PANX3: variants seen among roughly 807,000 people sequenced by gnomAD.
PANX3 encodes the protein pannexin-3.
PANX3 carries 18 observed loss-of-function variants against 31.5 expected under a neutral mutation model. The ratio of observed to expected loss-of-function variants is 0.57; its 90% CI spans 0.39 to 0.85. The LOEUF is 0.85. PANX3 is among the 40% of genes least tolerant of loss of function. The probability of loss-of-function intolerance (pLI) is 0.00; values close to 1 mark genes in which losing one functional copy is unlikely to be tolerated. For missense variants in PANX3, 426 were observed against 485.4 expected (o/e 0.88, Z 1.15); for synonymous variants, 194 against 201.6 (o/e 0.96, Z 0.32).
intron 1 of PANX3, 120 bp downstream of exon 1, chr11:124,611,857 G>A (rs146039735): frequency 8.8e-7 from 1 of 1,134,848 alleles, no homozygotes; most frequent in African/African-American, 1.6e-5. Flanking sequence ...GGCTGGGCTG[G>A]ATTATCCAAA....
intron 2 of PANX3, among the ~76,000 whole-genome samples, chr11:124,614,178 A>G (rs1186906474): frequency 6.6e-6 from 1 of 151,526 alleles, no homozygotes; most frequent in East Asian, 1.9e-4. Context: ...AAAAAAAAAA[A>G]AAAAAAAAAA....
chr11:124,620,138 G>A lies in PANX3; in HGVS notation c.*203G>A. On this transcript the variant is annotated 3_prime_UTR_variant, in exon 4 of 4. Coordinates refer to ENST00000284288, the MANE Select transcript of PANX3 (RefSeq NM_052959.3). Reference sequence around the variant, plus strand: ...CATGGAAATAAATGTGAAAGCTGGAGCCGAAGAGTCAAAGAGCTAAAAAAT... The same window carrying A: ...CATGGAAATAAATGTGAAAGCTGGAACCGAAGAGTCAAAGAGCTAAAAAAT... The A allele has an allele frequency of 3.2e-6, 2 of 622,880 alleles. No homozygotes were observed. The highest frequency in any genetic ancestry group is 5.2e-6 in the Non-Finnish European group (2 of 382,184). The allele number at this position is 622,880 out of a possible 1,614,324, so 38.6% of individuals were successfully genotyped here.
intron 2 of PANX3, among the ~76,000 whole-genome samples, chr11:124,614,167 TAAAAAAAAAA>T (rs71042444): frequency 2.7e-5 from 2 of 73,478 alleles, no homozygotes; most frequent in African/African-American, 8.4e-5. Context: ...ATCTAAATGG[TAAAAAAAAAA>T]AAAAAAAAAA....
Position 124,616,809 on chromosome 11 carries a change from C to A in PANX3, c.325-465C>A, listed in dbSNP as rs1454250405. Among the ~76,000 whole-genome samples, 4 of 152,148 alleles carry A rather than the reference C, an allele frequency of 2.6e-5. No individual in the cohort carries two copies. Among genetic ancestry groups the A allele is most frequent in the African/African-American group, 9.7e-5 (4 of 41,430 alleles). The stretch of plus-strand genomic sequence containing the variant: ...TTTTCTCTCCCTTAGGACAACATGG[C>A]CTCTGCTGGCCATGATCCCTAGCTA... On this transcript the variant is annotated intron_variant, in intron 2 of 3. Coordinates refer to ENST00000284288, the MANE Select transcript of PANX3 (RefSeq NM_052959.3). The surrounding 1 kb of genome is among the most constrained non-coding windows in gnomAD (Gnocchi z 4.8).
chr11:124,612,726 G>T (rs540717703), intron 1 of PANX3, among the ~76,000 whole-genome samples: 1 of 152,266 alleles, frequency 6.6e-6, no homozygotes, highest in Admixed American at 6.5e-5. Flanking sequence ...AAGCCCAGGG[G>T]GTGCTCTGAG....
chr11:124,612,117 C>T (rs1863101739), intron 1 of PANX3, among the ~76,000 whole-genome samples: 1 of 152,098 alleles, frequency 6.6e-6, no homozygotes, highest in Non-Finnish European at 1.5e-5. Context: ...GGGCTGTCGC[C>T]AAGTCTCTTA....
At chr11:124,618,743 C>G (rs1402963990) in intron 3 of PANX3, among the ~76,000 whole-genome samples, 1 of 152,188 alleles carries the variant, frequency 6.6e-6, no homozygotes, top group Non-Finnish European at 1.5e-5. Flanking sequence ...CTCCTGGGCA[C>G]AAGCAATCCT....
At chr11:124,618,930 C>T (rs547292659) in intron 3 of PANX3, among the ~76,000 whole-genome samples, 5 of 152,334 alleles carry the variant, frequency 3.3e-5, no homozygotes, top group African/African-American at 9.6e-5. Context: ...AGCCACCATG[C>T]CCGGCCCAGA....
In PANX3 at chr11:124,620,137, A is replaced by G; in HGVS notation, c.*202A>G. 2 of 627,724 alleles carry G rather than the reference A, an allele frequency of 3.2e-6. No homozygotes were observed. The highest frequency in any genetic ancestry group is 1.8e-5 in the African/African-American group (1 of 54,210). The allele number at this position is 627,724 out of a possible 1,614,324, so 38.9% of individuals were successfully genotyped here. Reference sequence around the variant, plus strand: ...ACATGGAAATAAATGTGAAAGCTGGAGCCGAAGAGTCAAAGAGCTAAAAAA... The same window carrying G: ...ACATGGAAATAAATGTGAAAGCTGGGGCCGAAGAGTCAAAGAGCTAAAAAA... On this transcript the variant is annotated 3_prime_UTR_variant, in exon 4 of 4. Coordinates refer to ENST00000284288, the MANE Select transcript of PANX3 (RefSeq NM_052959.3).
At chr11:124,615,021 A>C (rs762073609) in intron 2 of PANX3, among the ~76,000 whole-genome samples, 9 of 151,790 alleles carry the variant, frequency 5.9e-5, no homozygotes, top group Non-Finnish European at 1.2e-4. Flanking sequence ...TTTTCTCTAG[A>C]GCCTGGTGTG....
intron 2 of PANX3, among the ~76,000 whole-genome samples, chr11:124,613,750 C>CA (rs1863120468): frequency 6.6e-6 from 1 of 152,180 alleles, no homozygotes; most frequent in African/African-American, 2.4e-5. Flanking sequence ...TCCCTGTTTT[C>CA]AGCCTCTCCT....
At position 124,614,670 on chromosome 11, in the gene PANX3, C is replaced by CTTTTTTTT. The variant is rs138365917; in HGVS notation, c.324+1564_324+1571dup. On this transcript the variant is annotated intron_variant, in intron 2 of 3. Transcript: ENST00000284288. ...GGTTTATTTTCAATAAACGCCCTTT[C>CTTTTTTTT]TTTTTTTTTTTTTTTTTTTTTTTGA... Among the ~76,000 whole-genome samples, 27 of 95,336 alleles carry CTTTTTTTT rather than the reference C, an allele frequency of 2.8e-4. 1 individual carries two copies. The highest frequency in any genetic ancestry group is 8.1e-4 in the African/African-American group (18 of 22,252). The allele number at this position is 95,336 out of a possible 152,430, so 62.5% of individuals were successfully genotyped here.
chr11:124,611,707 T>A lies in PANX3; in HGVS notation c.151T>A (p.Ser51Thr), dbSNP rs748377488. The A allele has an allele frequency of 6.2e-7, 1 of 1,614,124 alleles. No individual in the cohort carries two copies. Among genetic ancestry groups the A allele is most frequent in the Non-Finnish European group, 8.5e-7 (1 of 1,179,982 alleles). ...VAVGSPLLLM[S>T]LAFAQEFSSG... Reference sequence around the variant, plus strand: ...TGTGGGCTCCCCCTTGTTGCTGATGTCCCTGGCATTCGCCCAGGAGTTCTC... The same window carrying A: ...TGTGGGCTCCCCCTTGTTGCTGATGACCCTGGCATTCGCCCAGGAGTTCTC... The change falls in exon 1 of 4, where the codon TCC becomes ACC. Residue 51 changes from serine (S) to threonine (T), a missense_variant. Transcript: ENST00000284288.
chr11:124,617,534 T>C, intron 3 of PANX3, 46 bp downstream of exon 3: 1 of 1,579,068 alleles, frequency 6.3e-7, no homozygotes, highest in Non-Finnish European at 8.7e-7. Flanking sequence ...AGTCAAGCAT[T>C]AAAATGATAA....
intron 1 of PANX3, 28 bp downstream of exon 1, chr11:124,611,765 AAG>A (rs1181774632): frequency 1.2e-6 from 2 of 1,600,928 alleles, no homozygotes; most frequent in East Asian, 4.5e-5. Context: ...CCCAGTGCGC[AAG>A]AGAGACTCCC....
chr11:124,618,731 G>C (rs527803492), intron 3 of PANX3, among the ~76,000 whole-genome samples: 2 of 152,272 alleles, frequency 1.3e-5, no homozygotes, highest in African/African-American at 4.8e-5. Flanking sequence ...TGCAGCCTCA[G>C]TCTCCTGGGC....
chr11:124,613,220 A>T, intron 2 of PANX3, 98 bp downstream of exon 2: 1 of 1,385,354 alleles, frequency 7.2e-7, no homozygotes, highest in Admixed American at 2.5e-5. Flanking sequence ...CACCACCCCT[A>T]ACCCATTTAT....
chr11:124,614,663 G>T (rs983115597), intron 2 of PANX3, among the ~76,000 whole-genome samples: 3 of 144,698 alleles, frequency 2.1e-5, no homozygotes, highest in African/African-American at 7.8e-5. Flanking sequence ...TTCAATAAAC[G>T]CCCTTTCTTT....
rs1481616557 is a variant in PANX3, at chr11:124,611,470, A to G, written c.-87A>G. ...TGGGGTGGCAGGCACTGTCTGCCCA[A>G]AGTCAGCTGCCTGAAGCTGCCGTCT... is the stretch of plus-strand genomic sequence containing the variant. On this transcript the variant is annotated 5_prime_UTR_variant, in exon 1 of 4. Coordinates refer to ENST00000284288, the MANE Select transcript of PANX3 (RefSeq NM_052959.3). 3.0e-6 allele frequency: 4 copies of G among 1,342,594 alleles called. No homozygotes were observed. Among genetic ancestry groups the G allele is most frequent in the African/African-American group, 1.5e-5 (1 of 68,536 alleles). 83.2% of individuals were successfully genotyped at this position (1,342,594 alleles called of 1,614,324 possible).
Sources: gnomAD v4.1 joint callset for allele counts (sites outside exome capture counted in the v4.1 genomes callset) on GRCh38, gnomAD v4.1.1 for gene constraint, Gnocchi (gnomAD v3.1) non-coding constraint, MANE v1.5 for transcripts, NCBI Gene and HGNC (gene_info 2026-07-23, HGNC 2026-07-21) for gene names.